Variants in GRIK2 observed in about 807,000 individuals in gnomAD.
The protein encoded by GRIK2 is glutamate ionotropic receptor kainate type subunit 2, also known as glutamate receptor ionotropic, kainate 2.
GRIK2 carries 32 observed loss-of-function variants against 100.3 expected under a neutral mutation model. That is an observed-to-expected ratio of 0.32 (90% CI 0.24 to 0.43). GRIK2 has a LOEUF of 0.43. Ranked by LOEUF, GRIK2 falls within the 20% of genes least tolerant of loss-of-function variation. The pLI is 1.00. For synonymous variants in GRIK2, 417 were observed against 389.4 expected, an observed-to-expected ratio of 1.07 and a Z score of -0.83; for missense variants, 843 against 1,114.9, an observed-to-expected ratio of 0.76 and a Z score of 3.47.
intron 4 of GRIK2, among the ~76,000 whole-genome samples, chr6:101,661,910 C>A (rs1259455298): frequency 6.6e-6 from 1 of 152,106 alleles, no homozygotes; most frequent in Non-Finnish European, 1.5e-5. Context: ...TGTTCCTATT[C>A]GGCCATCTTC....
chr6:101,975,242 T>C (rs915730943), intron 14 of GRIK2, among the ~76,000 whole-genome samples: 3 of 151,842 alleles, frequency 2.0e-5, no homozygotes, highest in Non-Finnish European at 2.9e-5. Context: ...AATATGGGCC[T>C]AGAGAGATTA....
rs66484859 is a variant in GRIK2, at chr6:101,577,172, AC to A, written c.116-44776del. 3.8e-3 allele frequency among the ~76,000 whole-genome samples: 582 copies of A among 151,622 alleles called. 7 individuals are homozygous for A. Among genetic ancestry groups the A allele is most frequent in the African/African-American group, 0.014 (570 of 41,272 alleles). On this transcript the variant is annotated intron_variant, in intron 2 of 16. Transcript: ENST00000369134. ...AGTTGCATATGGATACAAAAAAAAA[AC>A]AACAACATCAGGCTAAATGTAACTT...
rs920893168 is a variant in GRIK2, at chr6:101,638,822, GA to G, written c.541+12196del. ...AACATAGTGAAACCTAGTCTCTACA[GA>G]AAAAAAAAAATTAATTAGCTAGGTG... On this transcript the variant is annotated intron_variant, in intron 4 of 16. Transcript: ENST00000369134. 6.0e-3 allele frequency among the ~76,000 whole-genome samples: 873 copies of G among 146,164 alleles called. 7 individuals are homozygous for G. The highest frequency in any genetic ancestry group is 0.018 in the African/African-American group (722 of 40,138).
intron 4 of GRIK2, among the ~76,000 whole-genome samples, chr6:101,664,898 A>C (rs969060060): frequency 3.3e-5 from 5 of 152,126 alleles, no homozygotes. Context: ...ACAACAACAA[A>C]AAATCAGTTC....
At chr6:102,054,971 C>T (rs1292985955) in intron 15 of GRIK2, among the ~76,000 whole-genome samples, 1 of 152,130 alleles carries the variant, frequency 6.6e-6, no homozygotes, top group Non-Finnish European at 1.5e-5. Flanking sequence ...TTTATCAGTG[C>T]TCTGGTTTCA....
At chr6:101,612,114 C>A (rs903807867) in intron 2 of GRIK2, among the ~76,000 whole-genome samples, 4 of 151,814 alleles carry the variant, frequency 2.6e-5, no homozygotes, top group Non-Finnish European at 5.9e-5. Flanking sequence ...GTGTCTTAAT[C>A]CAGCATCCAT....
At chr6:101,721,114 C>T (rs1040574612) in intron 7 of GRIK2, among the ~76,000 whole-genome samples, 1 of 151,926 alleles carries the variant, frequency 6.6e-6, no homozygotes, top group African/African-American at 2.4e-5. Context: ...TTTACAATTC[C>T]TTTAATCAGG....
At chr6:101,705,781 A>G (rs985973862) in intron 7 of GRIK2, among the ~76,000 whole-genome samples, 2 of 151,932 alleles carry the variant, frequency 1.3e-5, no homozygotes, top group Admixed American at 1.3e-4. Flanking sequence ...TTGCACACCA[A>G]TTAATTTTTC....
intron 11 of GRIK2, among the ~76,000 whole-genome samples, chr6:101,879,964 A>T (rs1294924528): frequency 6.6e-6 from 1 of 151,990 alleles, no homozygotes; most frequent in Non-Finnish European, 1.5e-5. Flanking sequence ...ATAGCCTAAA[A>T]ATAAAACTGC....
chr6:101,626,026 G>C (rs947950486), intron 3 of GRIK2, among the ~76,000 whole-genome samples: 8 of 152,128 alleles, frequency 5.3e-5, no homozygotes, highest in Non-Finnish European at 1.2e-4. Context: ...CAGTGAATTT[G>C]AGAAGCTGCA....
chr6:101,815,717 GT>G lies in GRIK2; in HGVS notation c.1204-2647del, dbSNP rs1400885565. On this transcript the variant is annotated intron_variant, in intron 9 of 16. Coordinates refer to ENST00000369134, the MANE Select transcript of GRIK2 (RefSeq NM_021956.5). The stretch of plus-strand genomic sequence containing the variant: ...AATAGATTGCTATCACTTTGTCCAT[GT>G]TTTTTGCCATTAAAACAAAACAAAA... 1.1e-4 allele frequency among the ~76,000 whole-genome samples: 17 copies of G among 152,012 alleles called. No homozygotes were observed. In the East Asian group the frequency reaches 2.7e-3, roughly 24 times the overall value.
At chr6:101,428,735 C>T (rs561916569) in intron 2 of GRIK2, among the ~76,000 whole-genome samples, 201 of 152,150 alleles carry the variant, frequency 1.3e-3, no homozygotes, top group African/African-American at 4.3e-3. Context: ...AAGCAAAGGA[C>T]ATCTTAAGGC....
At chr6:101,661,257 C>T (rs952825744) in intron 4 of GRIK2, among the ~76,000 whole-genome samples, 12 of 152,138 alleles carry the variant, frequency 7.9e-5, no homozygotes, top group South Asian at 2.1e-4. Flanking sequence ...AACTTCTCAG[C>T]GGCTTTGTTT....
At chr6:102,042,299 T>G (rs1267645421) in intron 15 of GRIK2, among the ~76,000 whole-genome samples, 1 of 151,630 alleles carries the variant, frequency 6.6e-6, no homozygotes, top group Non-Finnish European at 1.5e-5. Flanking sequence ...ATTTGACCAA[T>G]CTACAAGAAT....
intron 15 of GRIK2, among the ~76,000 whole-genome samples, chr6:102,043,053 A>G (rs983993150): frequency 6.6e-6 from 1 of 151,700 alleles, no homozygotes; most frequent in African/African-American, 2.4e-5. Flanking sequence ...TACATTTTAT[A>G]TGCCATATAT....
intron 2 of GRIK2, among the ~76,000 whole-genome samples, chr6:101,599,341 C>T (rs922382100): frequency 1.6e-4 from 24 of 151,774 alleles, no homozygotes; most frequent in Admixed American, 1.6e-3. Flanking sequence ...TGGTTGATTC[C>T]CTGTCTTTGC....
At chr6:101,696,579 G>A (rs903975519) in intron 7 of GRIK2, among the ~76,000 whole-genome samples, 5 of 151,908 alleles carry the variant, frequency 3.3e-5, no homozygotes, top group South Asian at 2.1e-4. Context: ...TCTGAGTCTA[G>A]CTACCAGCGA....
intron 14 of GRIK2, among the ~76,000 whole-genome samples, chr6:101,961,735 A>T (rs1207404190): frequency 2.0e-5 from 3 of 151,954 alleles, no homozygotes; most frequent in Non-Finnish European, 2.9e-5. Flanking sequence ...CCCTTCCCCT[A>T]GGGAGAGCTC....
intron 16 of GRIK2, among the ~76,000 whole-genome samples, chr6:102,058,138 G>A (rs1582802324): frequency 2.0e-5 from 3 of 151,794 alleles, no homozygotes; most frequent in African/African-American, 7.2e-5. Context: ...TCAGCATTAA[G>A]TCTAGATATC....
Sources: allele counts gnomAD v4.1 joint callset (sites outside exome capture counted in the v4.1 genomes callset), GRCh38; gene constraint gnomAD v4.1.1; transcripts MANE v1.5; gene names NCBI Gene and HGNC (gene_info 2026-07-23, HGNC 2026-07-21).